PPARGC1A: variants seen among roughly 807,000 people sequenced by gnomAD.
PPARGC1A encodes the protein PPARG coactivator 1 alpha.
PPARGC1A carries 25 observed loss-of-function variants against 88.7 expected under a neutral mutation model. The ratio of observed to expected loss-of-function variants is 0.28; its 90% confidence interval spans 0.21 to 0.39. PPARGC1A has a LOEUF of 0.39. PPARGC1A is among the 10% of genes least tolerant of loss of function. The pLI is 1.00. For missense variants in PPARGC1A, 880 were observed against 968.7 expected (o/e 0.91, Z 1.22); for synonymous variants, 363 against 355.6 (o/e 1.02, Z -0.24).
the PPARGC1A span, among the ~76,000 whole-genome samples, chr4:24,326,818 C>A: frequency 6.6e-6 from 1 of 152,174 alleles, no homozygotes; most frequent in Non-Finnish European, 1.5e-5. Flanking sequence ...AACAACTTGA[C>A]CTTACTGTTT....
At chr4:24,437,173 A>G in the PPARGC1A span, among the ~76,000 whole-genome samples, 1 of 152,354 alleles carries the variant, frequency 6.6e-6, no homozygotes, top group East Asian at 1.9e-4. Flanking sequence ...TTTGAAGGAA[A>G]GACAAGGGAT....
chr4:24,084,069 T>C, the PPARGC1A span, among the ~76,000 whole-genome samples: 2 of 152,190 alleles, frequency 1.3e-5, no homozygotes, highest in African/African-American at 2.4e-5. Context: ...GATCAGTGGG[T>C]AACCAGCCTG....
chr4:24,056,393 T>A, the PPARGC1A span, among the ~76,000 whole-genome samples: 1 of 152,224 alleles, frequency 6.6e-6, no homozygotes, highest in African/African-American at 2.4e-5. Context: ...CATTGTTGCT[T>A]AGCTTATTTC....
At chr4:24,021,245 C>T in the PPARGC1A span, among the ~76,000 whole-genome samples, 1 of 152,210 alleles carries the variant, frequency 6.6e-6, no homozygotes, top group Non-Finnish European at 1.5e-5. Flanking sequence ...CCAAGAGTCT[C>T]CTCACCCAGG....
chr4:24,258,413 A>G, the PPARGC1A span, among the ~76,000 whole-genome samples: 2 of 152,156 alleles, frequency 1.3e-5, no homozygotes, highest in Admixed American at 1.3e-4. Flanking sequence ...CCCCATCACA[A>G]TGCATCTTGA....
chr4:23,802,132 T>C, intron 11 of PPARGC1A, 92 bp downstream of exon 11: 1 of 1,549,602 alleles, frequency 6.5e-7, no homozygotes, highest in Non-Finnish European at 8.8e-7. Flanking sequence ...GTCAAAGCAC[T>C]TACATTGGCA....
chr4:23,853,419 A>C (rs995128397), intron 2 of PPARGC1A, among the ~76,000 whole-genome samples: 2 of 151,440 alleles, frequency 1.3e-5, no homozygotes, highest in African/African-American at 4.9e-5. Context: ...TTCCTAAGTT[A>C]CATCTGCTAT....
At chr4:24,148,795 T>C in the PPARGC1A span, among the ~76,000 whole-genome samples, 24 of 152,220 alleles carry the variant, frequency 1.6e-4, no homozygotes, top group Non-Finnish European at 3.4e-4. Flanking sequence ...TTCTATCATG[T>C]AGACATGGAC....
At chr4:23,912,961 T>G in the PPARGC1A span, among the ~76,000 whole-genome samples, 8 of 141,422 alleles carry the variant, frequency 5.7e-5, no homozygotes, top group South Asian at 1.6e-3. Flanking sequence ...GCTAATTTCG[T>G]TTTTTTTTTT....
At chr4:24,105,409 G>T in the PPARGC1A span, among the ~76,000 whole-genome samples, 1 of 152,152 alleles carries the variant, frequency 6.6e-6, no homozygotes, top group African/African-American at 2.4e-5. Context: ...CCAACCTAAG[G>T]TAAGAGATAA....
chr4:24,103,898 C>A, the PPARGC1A span, among the ~76,000 whole-genome samples: 1 of 152,186 alleles, frequency 6.6e-6, no homozygotes, highest in African/African-American at 2.4e-5. Flanking sequence ...TTATGAATTT[C>A]CTTTCAGCCG....
intron 2 of PPARGC1A, among the ~76,000 whole-genome samples, chr4:23,860,264 C>T (rs143560647): frequency 1.9e-3 from 263 of 136,442 alleles, no homozygotes; most frequent in Non-Finnish European, 3.0e-3. Flanking sequence ...GAGCAAGAGA[C>T]ACCCTACCTT....
chr4:24,267,566 C>G, the PPARGC1A span, among the ~76,000 whole-genome samples: 2 of 152,190 alleles, frequency 1.3e-5, no homozygotes, highest in African/African-American at 4.8e-5. Context: ...GTTTCAGCCT[C>G]AATTCATGCC....
the PPARGC1A span, among the ~76,000 whole-genome samples, chr4:24,101,281 G>A: frequency 6.6e-6 from 1 of 152,150 alleles, no homozygotes; most frequent in African/African-American, 2.4e-5. Context: ...AAAGGTGCCT[G>A]CTTCTCCTGC....
At chr4:23,827,821 GGAA>G (rs1184322645) in intron 5 of PPARGC1A, among the ~76,000 whole-genome samples, 2 of 150,460 alleles carry the variant, frequency 1.3e-5, no homozygotes, top group South Asian at 2.1e-4. Flanking sequence ...GAGGAGAAGG[GGAA>G]GAAGGAGTGG....
chr4:23,831,347 A>C (rs891347482), intron 3 of PPARGC1A: 3 of 408,648 alleles, frequency 7.3e-6, no homozygotes, highest in African/African-American at 6.0e-5. Context: ...AAGATAGTAA[A>C]AAAAACTGCA....
chr4:24,381,187 C>T, the PPARGC1A span, among the ~76,000 whole-genome samples: 1 of 152,138 alleles, frequency 6.6e-6, no homozygotes, highest in Non-Finnish European at 1.5e-5. Context: ...TTGTGAAATA[C>T]TACAGAGATC....
chr4:24,469,232 G>A, the PPARGC1A span, among the ~76,000 whole-genome samples: 1 of 152,232 alleles, frequency 6.6e-6, no homozygotes, highest in Non-Finnish European at 1.5e-5. Context: ...CGCCTTTGTT[G>A]TATTCTTTTT....
chr4:23,948,220 C>G, the PPARGC1A span, among the ~76,000 whole-genome samples: 1 of 152,296 alleles, frequency 6.6e-6, no homozygotes, highest in South Asian at 2.1e-4. Flanking sequence ...GAATAAAACA[C>G]CGTTGCTTCC....
Sources: allele counts gnomAD v4.1 joint callset (sites outside exome capture counted in the v4.1 genomes callset), GRCh38; gene constraint gnomAD v4.1.1; transcripts MANE v1.5; gene names NCBI Gene and HGNC (gene_info 2026-07-23, HGNC 2026-07-21).